PLPP3: variants seen among roughly 807,000 people sequenced by gnomAD.
PLPP3 encodes phospholipid phosphatase 3.
A neutral mutation model predicts 29.6 loss-of-function variants in PLPP3; 6 were observed. That is an observed-to-expected ratio of 0.20 (90% CI 0.11 to 0.40). The LOEUF (loss-of-function observed/expected upper bound fraction) is 0.40. Ranked by LOEUF, PLPP3 falls within the 10% of genes least tolerant of loss-of-function variation. The probability of loss-of-function intolerance (pLI) is 1.00; values close to 1 mark genes in which losing one functional copy is unlikely to be tolerated. For missense variants in PLPP3, 308 were observed against 407.7 expected (o/e 0.76, Z 2.11); for synonymous variants, 152 against 159.7 (o/e 0.95, Z 0.36).
At position 56,562,210 on chromosome 1, in the gene PLPP3, T is replaced by C. The variant is rs151120614; in HGVS notation, c.139+16668A>G. Among the ~76,000 whole-genome samples the C allele has an allele frequency of 8.2e-3, 1,239 of 151,312 alleles. 16 individuals carry two copies. The highest frequency in any genetic ancestry group is 0.028 in the African/African-American group (1,169 of 41,164). On this transcript the variant is annotated intron_variant, in intron 1 of 5. Transcript: ENST00000371250. ...GGTAATGGGGATGAGAAGCAAGAAA[T>C]TGAAAGGTTTGGTTAGGGTTAGATT...
At chr1:56,518,655 T>C (rs1004692612) in intron 4 of PLPP3, among the ~76,000 whole-genome samples, 1 of 150,940 alleles carries the variant, frequency 6.6e-6, no homozygotes, top group Non-Finnish European at 1.5e-5. Flanking sequence ...TAGGATATAG[T>C]AGTGAATGAA....
intron 5 of PLPP3, among the ~76,000 whole-genome samples, chr1:56,506,342 T>C (rs2100226267): frequency 6.6e-6 from 1 of 152,312 alleles, no homozygotes; most frequent in Non-Finnish European, 1.5e-5. Flanking sequence ...ATCGCTGAAC[T>C]CTTCTTCACA....
At chr1:56,577,076 G>A (rs910907647) in intron 1 of PLPP3, among the ~76,000 whole-genome samples, 2 of 152,160 alleles carry the variant, frequency 1.3e-5, no homozygotes, top group African/African-American at 4.8e-5. Flanking sequence ...AGGGTATCCT[G>A]CACAGGCACT....
At chr1:56,557,843 CCTT>C (rs1458385191) in intron 1 of PLPP3, among the ~76,000 whole-genome samples, 4 of 152,164 alleles carry the variant, frequency 2.6e-5, no homozygotes, top group South Asian at 4.1e-4. Flanking sequence ...ATCTCATAGT[CCTT>C]CTTCTCTGCA....
chr1:56,562,322 A>G (rs984762688), intron 1 of PLPP3, among the ~76,000 whole-genome samples: 20 of 152,184 alleles, frequency 1.3e-4, no homozygotes, highest in African/African-American at 4.8e-4. Flanking sequence ...GGCCTATGTG[A>G]TCGGGATTGT....
chr1:56,496,442 G>C lies in PLPP3; in HGVS notation c.*109C>G. The C allele has an allele frequency of 1.5e-6, 2 of 1,343,548 alleles. No individual in the cohort carries two copies. Among genetic ancestry groups the C allele is most frequent in the South Asian group, 1.4e-5 (1 of 69,746 alleles). 83.2% of individuals were successfully genotyped at this position (1,343,548 alleles called of 1,614,324 possible). ...TTTTTTTTTTCCTTTTTAAAAATCAGTCGGGCAAAAGTTTTTCCCTACATT... is the reference window on the plus strand; with the variant it reads ...TTTTTTTTTTCCTTTTTAAAAATCACTCGGGCAAAAGTTTTTCCCTACATT... On this transcript the variant is annotated 3_prime_UTR_variant, in exon 6 of 6. Coordinates refer to ENST00000371250, the MANE Select transcript of PLPP3 (RefSeq NM_003713.5).
At chr1:56,578,678 T>A (rs1646254428) in intron 1 of PLPP3, among the ~76,000 whole-genome samples, 200 bp downstream of exon 1, 1 of 151,970 alleles carries the variant, frequency 6.6e-6, no homozygotes, top group Non-Finnish European at 1.5e-5. Flanking sequence ...CCCACTCAAG[T>A]ACAGGCCAAG....
chr1:56,562,223 T>A (rs1478552015), intron 1 of PLPP3, among the ~76,000 whole-genome samples: 1 of 151,582 alleles, frequency 6.6e-6, no homozygotes, highest in African/African-American at 2.4e-5. Context: ...AAAGGTTTGG[T>A]TAGGGTTAGA....
At chr1:56,558,906 A>C (rs1221512873) in intron 1 of PLPP3, among the ~76,000 whole-genome samples, 1 of 152,230 alleles carries the variant, frequency 6.6e-6, no homozygotes, top group Non-Finnish European at 1.5e-5. Flanking sequence ...AATTCAACAC[A>C]GTCAAGACCT....
At chr1:56,565,091 T>C (rs2100301255) in intron 1 of PLPP3, among the ~76,000 whole-genome samples, 1 of 152,324 alleles carries the variant, frequency 6.6e-6, no homozygotes, top group East Asian at 1.9e-4. Context: ...GAGGCCAAAT[T>C]GACCCAAACA....
At chr1:56,500,846 G>A (rs941172322) in intron 5 of PLPP3, among the ~76,000 whole-genome samples, 1 of 151,542 alleles carries the variant, frequency 6.6e-6, no homozygotes, top group African/African-American at 2.4e-5. Context: ...CTCTACAAAA[G>A]TACAAAAATT....
At chr1:56,512,371 T>C in intron 4 of PLPP3, 1 of 469,978 alleles carries the variant, frequency 2.1e-6, no homozygotes, top group South Asian at 2.9e-5. Context: ...CAGCACTTCG[T>C]GTGGCTGAGG....
chr1:56,501,179 A>G (rs1645665774), intron 5 of PLPP3, among the ~76,000 whole-genome samples: 1 of 152,104 alleles, frequency 6.6e-6, no homozygotes, highest in Non-Finnish European at 1.5e-5. Context: ...TGAAATGTTG[A>G]GGACAGGACT....
chr1:56,495,433 A>T lies in PLPP3; in HGVS notation c.*1118T>A, dbSNP rs529676634. Reference sequence around the variant, plus strand: ...GTTCTGCCCAGCAGAACCTACCAAGAACTGCCCTAGGGCTCAACCCCAAGA... The same window carrying T: ...GTTCTGCCCAGCAGAACCTACCAAGTACTGCCCTAGGGCTCAACCCCAAGA... On this transcript the variant is annotated 3_prime_UTR_variant, in exon 6 of 6. Transcript: ENST00000371250. The T allele has an allele frequency of 3.9e-5, 6 of 152,786 alleles. No homozygotes were observed. In the South Asian group the frequency reaches 1.2e-3, roughly 32 times the overall value. The allele number at this position is 152,786 out of a possible 1,614,324, so 9.5% of individuals were successfully genotyped here.
chr1:56,552,901 A>G (rs979209707), intron 1 of PLPP3, among the ~76,000 whole-genome samples: 22 of 152,140 alleles, frequency 1.4e-4, no homozygotes, highest in African/African-American at 5.3e-4. Flanking sequence ...TGCAGCAGAA[A>G]AAGTCCTGGG....
At chr1:56,531,213 AC>A (rs1232839319) in intron 2 of PLPP3, among the ~76,000 whole-genome samples, 2 of 152,176 alleles carry the variant, frequency 1.3e-5, no homozygotes, top group Non-Finnish European at 2.9e-5. Context: ...TAGACCTCAG[AC>A]AATCTGCAGC....
intron 2 of PLPP3, among the ~76,000 whole-genome samples, chr1:56,529,238 A>C (rs572674790): frequency 2.6e-4 from 40 of 152,248 alleles, no homozygotes; most frequent in African/African-American, 9.4e-4. Flanking sequence ...GACAGCAAGA[A>C]GACCATCACT....
At chr1:56,564,802 A>C (rs1385281595) in intron 1 of PLPP3, among the ~76,000 whole-genome samples, 3 of 152,174 alleles carry the variant, frequency 2.0e-5, no homozygotes, top group Non-Finnish European at 2.9e-5. Flanking sequence ...GCAGCCCAAA[A>C]TCCCTCCTGC....
intron 4 of PLPP3, among the ~76,000 whole-genome samples, chr1:56,515,909 T>C (rs1431561103): frequency 3.3e-5 from 5 of 152,172 alleles, no homozygotes; most frequent in Non-Finnish European, 5.9e-5. Context: ...TCTCCTTCTC[T>C]GGGTTGCCAG....
Sources: allele counts gnomAD v4.1 joint callset (sites outside exome capture counted in the v4.1 genomes callset), GRCh38; gene constraint gnomAD v4.1.1; transcripts MANE v1.5; gene names NCBI Gene and HGNC (gene_info 2026-07-23, HGNC 2026-07-21).